The following CDYL2 variants were observed in gnomAD, a reference collection of about 807,000 sequenced individuals.
CDYL2 encodes the protein chromodomain Y-like protein 2.
A neutral mutation model predicts 49.4 loss-of-function variants in CDYL2; 23 were observed. The ratio of observed to expected loss-of-function variants is 0.47; its 90% CI spans 0.34 to 0.66. CDYL2 has a LOEUF of 0.66. Ranked by LOEUF, CDYL2 falls within the 30% of genes least tolerant of loss-of-function variation. The pLI, the probability that CDYL2 is intolerant of heterozygous loss-of-function variation, is 0.01. For synonymous variants in CDYL2, 360 were observed against 268.8 expected (o/e 1.34, Z -3.32); for missense variants, 678 against 656.4 (o/e 1.03, Z -0.36).
intron 1 of CDYL2, among the ~76,000 whole-genome samples, chr16:80,761,213 C>T: frequency 6.6e-6 from 1 of 152,086 alleles, no homozygotes; most frequent in Middle Eastern, 3.2e-3. Context: ...TTTGAACAAG[C>T]CCGCCAGGGG....
chr16:80,763,178 C>T lies in CDYL2; in HGVS notation c.24+40972G>A, dbSNP rs185674653. 1.2e-3 allele frequency among the ~76,000 whole-genome samples: 68 copies of T among 55,898 alleles called. No individual in the cohort carries two copies. The Middle Eastern group carries it at 0.025, about 21-fold the overall frequency. 36.7% of individuals were successfully genotyped at this position (55,898 alleles called of 152,430 possible). On this transcript the variant is annotated intron_variant, in intron 1 of 6. Transcript: ENST00000570137. The stretch of plus-strand genomic sequence containing the variant: ...AATCCTGTATTCCCACCAGAAGCAA[C>T]GATTCAGCATTTGCTAATCCGGTGT...
chr16:80,781,628 G>A (rs1341341914), intron 1 of CDYL2, among the ~76,000 whole-genome samples: 1 of 152,116 alleles, frequency 6.6e-6, no homozygotes, highest in Non-Finnish European at 1.5e-5. Context: ...TAGACTACAT[G>A]TTGGGCCACA....
At chr16:80,640,413 A>G (rs987350103) in intron 2 of CDYL2, among the ~76,000 whole-genome samples, 5 of 152,180 alleles carry the variant, frequency 3.3e-5, no homozygotes, top group East Asian at 3.9e-4. Flanking sequence ...CTGAATAACC[A>G]GCAGCAATAT....
chr16:80,743,902 G>T (rs1394208665), intron 1 of CDYL2, among the ~76,000 whole-genome samples: 1 of 152,156 alleles, frequency 6.6e-6, no homozygotes, highest in Non-Finnish European at 1.5e-5. Context: ...AAGTGGTAAA[G>T]AGATCACTTA....
chr16:80,736,575 C>T (rs928710411), intron 1 of CDYL2: 2 of 152,120 alleles, frequency 1.3e-5, no homozygotes, highest in Non-Finnish European at 2.9e-5. Flanking sequence ...TGTGGCTGAA[C>T]ACTGGGACTG....
At chr16:80,797,590 A>G (rs1382693062) in intron 1 of CDYL2, among the ~76,000 whole-genome samples, 1 of 152,146 alleles carries the variant, frequency 6.6e-6, no homozygotes, top group African/African-American at 2.4e-5. Context: ...TGGTACTCTC[A>G]GAATGTCATA....
chr16:80,645,119 A>G (rs1483038082), intron 2 of CDYL2, among the ~76,000 whole-genome samples: 1 of 152,226 alleles, frequency 6.6e-6, no homozygotes. Context: ...CAATGGCAAC[A>G]AAAGCCAAAA....
At chr16:80,656,651 T>C (rs1287150961) in intron 2 of CDYL2, among the ~76,000 whole-genome samples, 2 of 152,160 alleles carry the variant, frequency 1.3e-5, no homozygotes, top group South Asian at 2.1e-4. Flanking sequence ...GAAGGCTCCA[T>C]AAACTCACGT....
At chr16:80,791,171 G>C (rs919586187) in intron 1 of CDYL2, among the ~76,000 whole-genome samples, 5 of 152,152 alleles carry the variant, frequency 3.3e-5, no homozygotes, top group Non-Finnish European at 7.3e-5. Context: ...TGCTTTCGGT[G>C]AGTTTGGCTT....
chr16:80,695,252 A>T (rs772672643), intron 1 of CDYL2, among the ~76,000 whole-genome samples: 47 of 152,252 alleles, frequency 3.1e-4, no homozygotes, highest in Non-Finnish European at 5.3e-4. Flanking sequence ...TCAGCTCACA[A>T]ATACTTACTC....
intron 1 of CDYL2, among the ~76,000 whole-genome samples, chr16:80,687,016 G>C (rs576693597): frequency 9.8e-5 from 15 of 152,318 alleles, no homozygotes; most frequent in African/African-American, 3.6e-4. Context: ...TTAAGGAATG[G>C]AGTTACTGAG....
chr16:80,688,801 G>A (rs1368737121), intron 1 of CDYL2, among the ~76,000 whole-genome samples: 1 of 152,148 alleles, frequency 6.6e-6, no homozygotes, highest in East Asian at 1.9e-4. Flanking sequence ...AAGTCGTTTA[G>A]GACTTGACCT....
intron 2 of CDYL2, among the ~76,000 whole-genome samples, chr16:80,641,029 A>C (rs1908062869): frequency 6.6e-6 from 1 of 152,208 alleles, no homozygotes; most frequent in African/African-American, 2.4e-5. Flanking sequence ...ATGGGAGTGG[A>C]AAGTTTATTC....
intron 3 of CDYL2, chr16:80,632,540 T>A (rs1042348230): frequency 6.2e-6 from 1 of 160,672 alleles, no homozygotes; most frequent in African/African-American, 2.4e-5. Flanking sequence ...GAATTGTACA[T>A]TTTAAAAGGG....
chr16:80,602,112 A>T lies in CDYL2; in HGVS notation c.*2276T>A, dbSNP rs1020868272. ...TCTAATGAAAATTTAGCAGTAGTGAAGACACTGTCTGCCACAATATGTAAG... is the reference window on the plus strand; with the variant it reads ...TCTAATGAAAATTTAGCAGTAGTGATGACACTGTCTGCCACAATATGTAAG... On this transcript the variant is annotated 3_prime_UTR_variant, in exon 7 of 7. Transcript: ENST00000570137. 5.9e-5 allele frequency: 9 copies of T among 152,244 alleles called. No homozygotes were observed. The highest frequency in any genetic ancestry group is 1.3e-4 in the Non-Finnish European group (9 of 68,050). 9.4% of individuals were successfully genotyped at this position (152,244 alleles called of 1,614,324 possible). A position where few individuals can be genotyped will look rare whatever the true frequency, so the allele number is the denominator to read the frequency against.
At chr16:80,737,672 G>C (rs935196729) in intron 1 of CDYL2, among the ~76,000 whole-genome samples, 4 of 152,282 alleles carry the variant, frequency 2.6e-5, no homozygotes, top group Non-Finnish European at 4.4e-5. Context: ...TCAGGATCAG[G>C]TGAAGGCTTT....
intron 1 of CDYL2, among the ~76,000 whole-genome samples, chr16:80,691,968 A>AC (rs1417499225): frequency 6.6e-6 from 1 of 152,180 alleles, no homozygotes; most frequent in East Asian, 1.9e-4. Flanking sequence ...AGCGACATAG[A>AC]CAACATACTC....
chr16:80,804,203 T>C lies in CDYL2; in HGVS notation c.-30A>G, dbSNP rs1908026331. On this transcript the variant is annotated 5_prime_UTR_variant, in exon 1 of 7. Coordinates refer to ENST00000570137, the MANE Select transcript of CDYL2 (RefSeq NM_152342.4). ...GGCTGCGGAACTTGGCTCGCCGGTGTGCGCGTCTGCTCGCTCGCGCCCTCC... is the reference window on the plus strand; with the variant it reads ...GGCTGCGGAACTTGGCTCGCCGGTGCGCGCGTCTGCTCGCTCGCGCCCTCC... 1 of 1,337,088 alleles carries C rather than the reference T, an allele frequency of 7.5e-7. No individual in the cohort carries two copies. The highest frequency in any genetic ancestry group is 9.8e-7 in the Non-Finnish European group (1 of 1,016,470). 82.8% of individuals were successfully genotyped at this position (1,337,088 alleles called of 1,614,324 possible).
At chr16:80,745,330 C>T (rs1289353712) in intron 1 of CDYL2, among the ~76,000 whole-genome samples, 1 of 152,178 alleles carries the variant, frequency 6.6e-6, no homozygotes, top group Non-Finnish European at 1.5e-5. Flanking sequence ...TTCCCTATGA[C>T]AGCCAGTGAC....
Sources: allele counts gnomAD v4.1 joint callset (sites outside exome capture counted in the v4.1 genomes callset), GRCh38; gene constraint gnomAD v4.1.1; transcripts MANE v1.5; gene names NCBI Gene and HGNC (gene_info 2026-07-23, HGNC 2026-07-21).